IRAK1BP1: variants seen among roughly 807,000 people sequenced by gnomAD.
The protein encoded by IRAK1BP1 is interleukin-1 receptor-associated kinase 1-binding protein 1.
In IRAK1BP1, 24 loss-of-function variants were observed where a neutral mutation model predicts 28.0. The observed-to-expected ratio is 0.86, with a 90% CI of 0.62 to 1.20. IRAK1BP1 has a LOEUF of 1.20. Among genes scored for constraint, IRAK1BP1 ranks in the 50% most tolerant of loss-of-function variants. IRAK1BP1 has a pLI of 0.00. For missense variants in IRAK1BP1, 336 were observed against 316.7 expected (o/e 1.06, Z -0.46); for synonymous variants, 131 against 116.3 (o/e 1.13, Z -0.81).
At chr6:78,965,108 T>C in the IRAK1BP1 span, among the ~76,000 whole-genome samples, 2 of 152,180 alleles carry the variant, frequency 1.3e-5, no homozygotes, top group African/African-American at 4.8e-5. Flanking sequence ...ATAATGACAG[T>C]TATATTATCA....
intron 1 of IRAK1BP1, among the ~76,000 whole-genome samples, chr6:78,880,166 G>A (rs1771175713): frequency 6.6e-6 from 1 of 152,184 alleles, no homozygotes; most frequent in Non-Finnish European, 1.5e-5. Context: ...GATTGAAGAT[G>A]AGTTTTTAGA....
chr6:78,878,249 G>A (rs1771085119), intron 1 of IRAK1BP1, among the ~76,000 whole-genome samples: 1 of 152,152 alleles, frequency 6.6e-6, no homozygotes, highest in Non-Finnish European at 1.5e-5. Flanking sequence ...TCCCAGTAGG[G>A]GCCAACTGAC....
At chr6:78,970,404 T>C in the IRAK1BP1 span, among the ~76,000 whole-genome samples, 13 of 152,124 alleles carry the variant, frequency 8.5e-5, 1 homozygote, top group Admixed American at 5.2e-4. Context: ...AGGAGAACTT[T>C]ACTAAAGTAT....
At chr6:78,942,783 C>T (rs542531856) in intron 4 of IRAK1BP1, among the ~76,000 whole-genome samples, 2 of 152,232 alleles carry the variant, frequency 1.3e-5, no homozygotes, top group South Asian at 4.1e-4. Context: ...GCTTTAAGGA[C>T]TACATGAATC....
intron 4 of IRAK1BP1, chr6:78,941,193 G>A: frequency 6.2e-7 from 1 of 1,613,896 alleles, no homozygotes; most frequent in Non-Finnish European, 8.5e-7. Flanking sequence ...CTTTTCTTGT[G>A]TATAATTTCA....
In IRAK1BP1 at chr6:78,878,843, A is replaced by C. The variant is rs138281245; in HGVS notation, c.316-6535A>C. Among the ~76,000 whole-genome samples the C allele has an allele frequency of 8.9e-3, 1,349 of 152,330 alleles. 56 individuals carry two copies. The highest frequency in any genetic ancestry group is 0.07 in the Admixed American group (1,072 of 15,296). ...AGCTGAAAACCATGGCACAAGAACTACGTGACGCATGCACAAGCTTCAGTA... is the reference window on the plus strand; with the variant it reads ...AGCTGAAAACCATGGCACAAGAACTCCGTGACGCATGCACAAGCTTCAGTA... On this transcript the variant is annotated intron_variant, in intron 1 of 3. Coordinates refer to ENST00000369940, the MANE Select transcript of IRAK1BP1 (RefSeq NM_001010844.4).
chr6:78,909,317 A>G (rs1023763985), intron 4 of IRAK1BP1, among the ~76,000 whole-genome samples: 32 of 152,196 alleles, frequency 2.1e-4, no homozygotes, highest in African/African-American at 7.2e-4. Flanking sequence ...ATTTACATTG[A>G]GTTTATCCAG....
the IRAK1BP1 span, chr6:78,955,158 T>C: frequency 1.9e-6 from 2 of 1,071,070 alleles, no homozygotes; most frequent in Admixed American, 2.5e-5. Context: ...ATGCTAAGAG[T>C]AAAAAAATAA....
intron 4 of IRAK1BP1, among the ~76,000 whole-genome samples, chr6:78,915,946 A>G (rs1006998536): frequency 2.6e-4 from 39 of 152,236 alleles, no homozygotes; most frequent in African/African-American, 8.4e-4. Flanking sequence ...AAGGGTGTCC[A>G]TGAACAAAGA....
chr6:78,878,339 A>G (rs559136306), intron 1 of IRAK1BP1, among the ~76,000 whole-genome samples: 1 of 152,348 alleles, frequency 6.6e-6, no homozygotes, highest in East Asian at 1.9e-4. Context: ...GCTGTTCTGC[A>G]GTATTTGCTG....
chr6:78,914,723 A>G (rs1193400855), intron 4 of IRAK1BP1, among the ~76,000 whole-genome samples: 3 of 152,260 alleles, frequency 2.0e-5, no homozygotes, highest in Non-Finnish European at 4.4e-5. Flanking sequence ...CAACTCACTT[A>G]TTAAGTGATT....
In IRAK1BP1 at chr6:78,900,957, A is replaced by G. The variant is rs1772072823; in HGVS notation, c.*2623A>G. The G allele has an allele frequency of 6.6e-6, 1 of 152,198 alleles. No individual in the cohort carries two copies. Among genetic ancestry groups the G allele is most frequent in the African/African-American group, 2.4e-5 (1 of 41,464 alleles). 9.4% of individuals were successfully genotyped at this position (152,198 alleles called of 1,614,324 possible). A position where few individuals can be genotyped will look rare whatever the true frequency, so the allele number is the denominator to read the frequency against. ...TAGCCATATTGAAAATAAAGTTGTC[A>G]GAAAACCAATGTAACATATGTTGAA... is the stretch of plus-strand genomic sequence containing the variant. On this transcript the variant is annotated 3_prime_UTR_variant, in exon 4 of 4. Transcript: ENST00000369940.
At chr6:78,947,110 C>A (rs915436299), downstream of IRAK1BP1, among the ~76,000 whole-genome samples, 3 of 151,828 alleles carry the variant, frequency 2.0e-5, no homozygotes, top group African/African-American at 7.3e-5. Context: ...AAGAAAAGTC[C>A]GACTCTAAAT....
chr6:78,960,294 T>C, the IRAK1BP1 span, among the ~76,000 whole-genome samples: 1 of 152,152 alleles, frequency 6.6e-6, no homozygotes, highest in East Asian at 1.9e-4. Context: ...GCAGCTTATA[T>C]TTCTAGTTGC....
At position 78,943,171 on chromosome 6, in the gene IRAK1BP1, A is replaced by C. The variant is rs189460715; in HGVS notation, c.*68-2237A>C. 1.3e-3 allele frequency among the ~76,000 whole-genome samples: 197 copies of C among 152,324 alleles called. 2 individuals carry two copies. The highest frequency in any genetic ancestry group is 0.012 in the South Asian group (57 of 4,828). On this transcript the variant is annotated intron_variant and NMD_transcript_variant, in intron 4 of 4. Coordinates refer to the IRAK1BP1 transcript ENST00000606868. ...TTTTACTGAACATGGTGAGTACAAAATTTAAAATTACATATATGGCTTGTA... is the reference window on the plus strand; with the variant it reads ...TTTTACTGAACATGGTGAGTACAAACTTTAAAATTACATATATGGCTTGTA...
chr6:78,962,237 A>G, the IRAK1BP1 span, among the ~76,000 whole-genome samples: 5 of 152,134 alleles, frequency 3.3e-5, no homozygotes, highest in African/African-American at 1.2e-4. Context: ...ATTCTGTGAA[A>G]TATTAGACAA....
intron 4 of IRAK1BP1, among the ~76,000 whole-genome samples, chr6:78,944,968 G>GA (rs5877636): frequency 0.33 from 50,078 of 151,948 alleles, 9,830 homozygotes; most frequent in East Asian, 0.69. Flanking sequence ...AGTCAGTCTA[G>GA]AAAAATAAGT....
chr6:78,938,272 TAC>T (rs1306956067), intron 4 of IRAK1BP1: 2 of 151,702 alleles, frequency 1.3e-5, no homozygotes, highest in East Asian at 1.9e-4. Context: ...GTCATAAATA[TAC>T]AGTGTCTGTA....
intron 1 of IRAK1BP1, among the ~76,000 whole-genome samples, chr6:78,876,353 C>T (rs1209055122): frequency 6.6e-6 from 1 of 152,176 alleles, no homozygotes; most frequent in African/African-American, 2.4e-5. Flanking sequence ...ATTACCCAAA[C>T]TCAGGTAGTA....
Sources: allele counts gnomAD v4.1 joint callset (sites outside exome capture counted in the v4.1 genomes callset), GRCh38; gene constraint gnomAD v4.1.1; transcripts MANE v1.5; gene names NCBI Gene and HGNC (gene_info 2026-07-23, HGNC 2026-07-21).